Variants in SWAP70 observed in about 807,000 individuals in gnomAD.
SWAP70 encodes switching B cell complex subunit SWAP70.
A neutral mutation model predicts 80.2 loss-of-function variants in SWAP70; 34 were observed. The ratio of observed to expected loss-of-function variants is 0.42; its 90% CI spans 0.32 to 0.56. The LOEUF (loss-of-function observed/expected upper bound fraction) is 0.56, where lower values mean the gene tolerates loss of function less well. Ranked by LOEUF, SWAP70 falls within the 20% of genes least tolerant of loss-of-function variation. SWAP70 has a pLI of 0.09. For missense variants in SWAP70, 578 were observed against 690.7 expected (o/e 0.84, Z 1.83); for synonymous variants, 239 against 238.5 (o/e 1.00, Z -0.02).
chr11:9,671,389 A>AAT (rs1299325337), intron 1 of SWAP70, among the ~76,000 whole-genome samples: 1 of 104,272 alleles, frequency 9.6e-6, no homozygotes, highest in African/African-American at 4.2e-5. Context: ...AAAATATATA[A>AAT]ATATATATAA....
chr11:9,671,717 TATAA>T (rs1335348095), intron 1 of SWAP70, among the ~76,000 whole-genome samples: 1 of 103,124 alleles, frequency 9.7e-6, no homozygotes, highest in African/African-American at 3.7e-5. Context: ...CATAGAAATA[TATAA>T]ATATATTTCT....
intron 1 of SWAP70, among the ~76,000 whole-genome samples, chr11:9,676,806 C>G (rs376167998): frequency 2.0e-5 from 3 of 151,858 alleles, no homozygotes; most frequent in African/African-American, 7.3e-5. Flanking sequence ...CCCGCCACCA[C>G]GCCCGGCTAA....
At chr11:9,694,414 G>C (rs922030536) in intron 2 of SWAP70, 128 bp downstream of exon 2, 2 of 1,123,230 alleles carry the variant, frequency 1.8e-6, no homozygotes, top group African/African-American at 3.2e-5. Context: ...AAACCAGAAA[G>C]GAAGAAAGAA....
chr11:9,725,121 G>C (rs1851191951), intron 4 of SWAP70: 1 of 463,404 alleles, frequency 2.2e-6, no homozygotes, highest in South Asian at 2.9e-5. Flanking sequence ...TGCCTTGAAG[G>C]CATGCACCCC....
At chr11:9,695,406 G>A (rs1337981786) in intron 2 of SWAP70, among the ~76,000 whole-genome samples, 3 of 152,154 alleles carry the variant, frequency 2.0e-5, no homozygotes, top group Non-Finnish European at 4.4e-5. Flanking sequence ...TAAAGAAAAT[G>A]TGGTACATAT....
intron 1 of SWAP70, among the ~76,000 whole-genome samples, chr11:9,668,985 C>T (rs1850341343): frequency 6.6e-6 from 1 of 152,102 alleles, no homozygotes; most frequent in Admixed American, 6.6e-5. Flanking sequence ...CTCTCTCTCT[C>T]CAGATAGAGA....
At chr11:9,668,392 T>C (rs1190697532) in intron 1 of SWAP70, among the ~76,000 whole-genome samples, 1 of 152,230 alleles carries the variant, frequency 6.6e-6, no homozygotes, top group Non-Finnish European at 1.5e-5. Flanking sequence ...ACTGTGCAAT[T>C]GTATTTTGTC....
At chr11:9,675,474 C>T (rs989535765) in intron 1 of SWAP70, among the ~76,000 whole-genome samples, 1 of 150,706 alleles carries the variant, frequency 6.6e-6, no homozygotes, top group African/African-American at 2.4e-5. Context: ...AGAAAGACCT[C>T]TTATGGCTTA....
chr11:9,742,630 C>T (rs1028225573), intron 9 of SWAP70, among the ~76,000 whole-genome samples: 13 of 152,284 alleles, frequency 8.5e-5, no homozygotes, highest in Admixed American at 2.0e-4. Flanking sequence ...CCACCACGCC[C>T]GGCCTAGTGG....
At chr11:9,732,486 A>C (rs765309265) in intron 6 of SWAP70, 43 bp from the exon 7 acceptor site, 1 of 1,551,208 alleles carries the variant, frequency 6.4e-7, no homozygotes. Context: ...CAAAGAATAA[A>C]TAATATCTCC....
chr11:9,721,623 C>T (rs766869453), intron 3 of SWAP70, among the ~76,000 whole-genome samples: 7 of 151,860 alleles, frequency 4.6e-5, no homozygotes, highest in Non-Finnish European at 1.0e-4. Flanking sequence ...AGGCATGTAC[C>T]ACCACACCTG....
At chr11:9,739,268 C>T (rs964955382) in intron 8 of SWAP70, among the ~76,000 whole-genome samples, 1 of 152,202 alleles carries the variant, frequency 6.6e-6, no homozygotes, top group African/African-American at 2.4e-5. Context: ...GTGCTAAGCC[C>T]AGTGCCTAAA....
chr11:9,676,283 A>G (rs1056551519), intron 1 of SWAP70, among the ~76,000 whole-genome samples: 1 of 152,234 alleles, frequency 6.6e-6, no homozygotes, highest in Non-Finnish European at 1.5e-5. Context: ...GGAAGGTGCT[A>G]GGTGCACATA....
intron 1 of SWAP70, among the ~76,000 whole-genome samples, chr11:9,673,540 C>T (rs1850446932): frequency 1.3e-5 from 2 of 152,108 alleles, no homozygotes; most frequent in South Asian, 4.1e-4. Flanking sequence ...GTACAGACAA[C>T]CATGTAGAAA....
chr11:9,695,688 C>T (rs1383168205), intron 2 of SWAP70, among the ~76,000 whole-genome samples: 2 of 151,704 alleles, frequency 1.3e-5, no homozygotes, highest in East Asian at 1.9e-4. Flanking sequence ...CCACAGCACA[C>T]GTACACTTAT....
chr11:9,702,805 A>T (rs934927774), intron 2 of SWAP70, among the ~76,000 whole-genome samples: 4 of 152,196 alleles, frequency 2.6e-5, no homozygotes, highest in Non-Finnish European at 5.9e-5. Flanking sequence ...GAGGACTATA[A>T]ACTTTTGAGT....
At chr11:9,715,329 A>G (rs945344152) in intron 3 of SWAP70, among the ~76,000 whole-genome samples, 1 of 152,000 alleles carries the variant, frequency 6.6e-6, no homozygotes, top group Non-Finnish European at 1.5e-5. Flanking sequence ...AATCATCATG[A>G]TGGCTTAAAA....
Position 9,724,037 on chromosome 11 carries a change from G to A in SWAP70, c.415-621G>A, listed in dbSNP as rs541832458. ...GATCCTCCTGCCTTGGCCTCCCAAA[G>A]TGTTGGGATTATAGGCATGAGCCAC... is the stretch of plus-strand genomic sequence containing the variant. On this transcript the variant is annotated intron_variant, in intron 3 of 11. Transcript: ENST00000318950. 1.1e-3 allele frequency among the ~76,000 whole-genome samples: 174 copies of A among 152,302 alleles called. 1 individual carries two copies. Among genetic ancestry groups the A allele is most frequent in the Middle Eastern group, 6.8e-3 (2 of 294 alleles).
chr11:9,723,840 G>A (rs443576), intron 3 of SWAP70, among the ~76,000 whole-genome samples: 48,727 of 145,920 alleles, frequency 0.33, 8,144 homozygotes, highest in Non-Finnish European at 0.35. Context: ...TGGCACAATC[G>A]CCGCTCACTG....
Sources: allele counts gnomAD v4.1 joint callset (sites outside exome capture counted in the v4.1 genomes callset), GRCh38; gene constraint gnomAD v4.1.1; transcripts MANE v1.5; gene names NCBI Gene and HGNC (gene_info 2026-07-23, HGNC 2026-07-21).